The following PPP4R4 variants were observed in gnomAD, a reference collection of about 807,000 sequenced individuals.
PPP4R4 encodes protein phosphatase 4 regulatory subunit 4.
In PPP4R4, 70 loss-of-function variants were observed where a neutral mutation model predicts 121.8. The ratio of observed to expected loss-of-function variants is 0.57; its 90% confidence interval spans 0.47 to 0.70. The LOEUF is 0.70. PPP4R4 is among the 30% of genes least tolerant of loss of function. The pLI is 0.00. For synonymous variants in PPP4R4, 348 were observed against 355.7 expected, an observed-to-expected ratio of 0.98 and a Z score of 0.24; for missense variants, 875 against 1,033.6, an observed-to-expected ratio of 0.85 and a Z score of 2.10.
intron 2 of PPP4R4, among the ~76,000 whole-genome samples, chr14:94,190,799 C>T (rs1001989341): frequency 2.6e-5 from 4 of 151,340 alleles, no homozygotes; most frequent in African/African-American, 4.9e-5. Context: ...TGCTATAGCT[C>T]ATATATTTAG....
chr14:94,256,365 G>T, intron 16 of PPP4R4, 95 bp from the exon 17 acceptor site: 2 of 977,398 alleles, frequency 2.0e-6, no homozygotes, highest in South Asian at 1.8e-5. Context: ...ATGAATAAAT[G>T]AACTCTCAGG....
intron 3 of PPP4R4, among the ~76,000 whole-genome samples, chr14:94,218,323 C>G (rs1423089045): frequency 6.6e-6 from 1 of 151,920 alleles, no homozygotes; most frequent in Non-Finnish European, 1.5e-5. Flanking sequence ...AGGATAAATG[C>G]GTGCGAGCGC....
chr14:94,243,614 A>C (rs1026422669), intron 11 of PPP4R4, among the ~76,000 whole-genome samples: 41 of 152,284 alleles, frequency 2.7e-4, no homozygotes, highest in Middle Eastern at 3.4e-3. Context: ...AACATATGGA[A>C]ATGTACATGT....
At chr14:94,219,617 A>G (rs1416850047) in intron 3 of PPP4R4, among the ~76,000 whole-genome samples, 2 of 152,192 alleles carry the variant, frequency 1.3e-5, no homozygotes, top group Non-Finnish European at 2.9e-5. Flanking sequence ...AAATCCAACA[A>G]TATATCAGAA....
chr14:94,254,965 C>T (rs1295030438), intron 16 of PPP4R4, among the ~76,000 whole-genome samples: 2 of 152,154 alleles, frequency 1.3e-5, no homozygotes, highest in Non-Finnish European at 2.9e-5. Flanking sequence ...TCTTCTCTAA[C>T]TGTACACATT....
chr14:94,197,695 T>C lies in PPP4R4; in HGVS notation c.192-10769T>C, dbSNP rs117311492. Among the ~76,000 whole-genome samples, 31 of 152,342 alleles carry C rather than the reference T, an allele frequency of 2.0e-4. No homozygotes were observed. In the East Asian group the frequency reaches 2.5e-3, roughly 12 times the overall value. On this transcript the variant is annotated intron_variant, in intron 2 of 24. Transcript: ENST00000304338. ...ATATCCACCTCCGAAAATTTCCCCA[T>C]GTCCCTTTTGTAACCCAGCTTTCAT...
At chr14:94,194,038 AT>A (rs1300999255) in intron 2 of PPP4R4, among the ~76,000 whole-genome samples, 1 of 152,194 alleles carries the variant, frequency 6.6e-6, no homozygotes, top group Non-Finnish European at 1.5e-5. Flanking sequence ...TATAAAACTT[AT>A]TGTATCTAAG....
Position 94,245,632 on chromosome 14 carries a change from A to G in PPP4R4, c.1390A>G (p.Met464Val), listed in dbSNP as rs774304861. Reference protein sequence around the residue: ...IDHLPEILELMSTGGESSVQE... With the variant: ...IDHLPEILELVSTGGESSVQE... The stretch of plus-strand genomic sequence containing the variant: ...TCATCTTCCAGAAATCTTGGAACTT[A>G]TGTCTACTGGTGGAGAAAGCAGTGT... Residue 464 changes from methionine (M) to valine (V), a missense_variant, in exon 13 of 25, where the codon ATG (methionine) becomes GTG (valine). By Grantham distance (21) the Met-to-Val change is conservative. Transcript: ENST00000304338. 1.2e-6 allele frequency: 2 copies of G among 1,600,614 alleles called. No homozygotes were observed. The highest frequency in any genetic ancestry group is 1.1e-5 in the South Asian group (1 of 89,692).
Position 94,174,488 on chromosome 14 carries a change from C to T in PPP4R4, c.23C>T (p.Ala8Val), listed in dbSNP as rs773609651. 6.2e-7 allele frequency: 1 copy of T among 1,606,554 alleles called. No homozygotes were observed. The highest frequency in any genetic ancestry group is 1.1e-5 in the South Asian group (1 of 90,378). Residue 8 changes from alanine to valine, a missense_variant, in exon 1 of 25, where the codon GCC becomes GTC. Physicochemically the swap from Ala to Val is moderately conservative, Grantham distance 64. Coordinates refer to ENST00000304338, the MANE Select transcript of PPP4R4 (RefSeq NM_058237.2). ...TCCATGCATCCGCCGCCGCCCGCCGCCGCGATGGATTTCAGTCAGAACAGC... is the reference window on the plus strand; with the variant it reads ...TCCATGCATCCGCCGCCGCCCGCCGTCGCGATGGATTTCAGTCAGAACAGC... The part of the protein sequence containing the change: MHPPPPA[A>V]AMDFSQNSLF...
At chr14:94,175,961 A>G in intron 1 of PPP4R4, 93 bp from the exon 2 acceptor site, 1 of 959,936 alleles carries the variant, frequency 1.0e-6, no homozygotes, top group Non-Finnish European at 1.7e-6. Flanking sequence ...AAACTTTTTC[A>G]TTCGTTTATC....
intron 17 of PPP4R4, among the ~76,000 whole-genome samples, chr14:94,257,965 A>G (rs1893567979): frequency 6.6e-6 from 1 of 152,142 alleles, no homozygotes; most frequent in South Asian, 2.1e-4. Context: ...TAGTATAATG[A>G]GACATTAGTA....
chr14:94,258,450 T>C (rs1893593500), intron 17 of PPP4R4, among the ~76,000 whole-genome samples: 1 of 152,208 alleles, frequency 6.6e-6, no homozygotes, highest in African/African-American at 2.4e-5. Context: ...CTTCAAAAGC[T>C]ACATTATGTT....
chr14:94,268,794 T>C (rs897652555), intron 23 of PPP4R4, among the ~76,000 whole-genome samples: 2 of 152,068 alleles, frequency 1.3e-5, no homozygotes, highest in South Asian at 4.1e-4. Context: ...GAGAACAGCA[T>C]GGGAAAAATT....
At chr14:94,201,270 C>T (rs1282715102) in intron 2 of PPP4R4, among the ~76,000 whole-genome samples, 1 of 151,976 alleles carries the variant, frequency 6.6e-6, no homozygotes, top group East Asian at 1.9e-4. Context: ...GAGAATATTC[C>T]ATGTGCTGAT....
intron 8 of PPP4R4, among the ~76,000 whole-genome samples, chr14:94,239,559 G>A (rs1330200524): frequency 6.6e-6 from 1 of 151,980 alleles, no homozygotes; most frequent in African/African-American, 2.4e-5. Flanking sequence ...CTTTACACCA[G>A]GGGTTGGCAA....
chr14:94,241,230 C>T (rs541713018), intron 9 of PPP4R4, among the ~76,000 whole-genome samples: 7 of 152,102 alleles, frequency 4.6e-5, no homozygotes, highest in Admixed American at 6.5e-5. Flanking sequence ...CTTAGCTTTC[C>T]GTATCGATGT....
intron 2 of PPP4R4, among the ~76,000 whole-genome samples, chr14:94,204,028 G>T (rs987102224): frequency 2.0e-5 from 3 of 152,090 alleles, no homozygotes; most frequent in Non-Finnish European, 4.4e-5. Flanking sequence ...CAATGCAAAA[G>T]TTTTAAATTT....
chr14:94,264,484 TA>T (rs779931036), intron 19 of PPP4R4, among the ~76,000 whole-genome samples: 19 of 152,156 alleles, frequency 1.2e-4, no homozygotes, highest in Non-Finnish European at 2.2e-4. Flanking sequence ...ATAAAGCATT[TA>T]AAAATATCCA....
At position 94,265,947 on chromosome 14, in the gene PPP4R4, A is replaced by G. The variant is rs1180719922; in HGVS notation, c.2378+60A>G. The G allele has an allele frequency of 8.1e-6, 9 of 1,106,860 alleles. No individual in the cohort carries two copies. The East Asian group carries it at 2.1e-4, about 25-fold the overall frequency. 68.6% of individuals were successfully genotyped at this position (1,106,860 alleles called of 1,614,324 possible). A position where few individuals can be genotyped will look rare whatever the true frequency, so the allele number is the denominator to read the frequency against. ...TTTTTATCTTTATTCACATCTTCAT[A>G]TATATGAGTTTACATTTTATAAAAA... On this transcript the variant is annotated intron_variant, in intron 22 of 24. Transcript: ENST00000304338.
Sources: gnomAD v4.1 joint callset for allele counts (sites outside exome capture counted in the v4.1 genomes callset) on GRCh38, gnomAD v4.1.1 for gene constraint, MANE v1.5 for transcripts, NCBI Gene and HGNC (gene_info 2026-07-23, HGNC 2026-07-21) for gene names.